GRM8: variants seen among roughly 807,000 people sequenced by gnomAD.
GRM8 encodes the protein metabotropic glutamate receptor 8.
In GRM8, 47 loss-of-function variants were observed where a neutral mutation model predicts 87.2. The observed-to-expected ratio is 0.54, with a 90% CI of 0.43 to 0.69. The LOEUF (loss-of-function observed/expected upper bound fraction) is 0.69. GRM8 is among the 30% of genes least tolerant of loss of function. The pLI is 0.00. For synonymous variants in GRM8, 396 were observed against 404.5 expected (o/e 0.98, Z 0.25); for missense variants, 1,019 against 1,139.2 (o/e 0.89, Z 1.52).
chr7:127,208,157 C>T (rs547120155), intron 2 of GRM8, among the ~76,000 whole-genome samples: 1 of 152,268 alleles, frequency 6.6e-6, no homozygotes, highest in South Asian at 2.1e-4. Context: ...TGAGGGCCTT[C>T]GTGTCCCTGC....
chr7:126,574,999 T>C (rs1794989103), intron 8 of GRM8, among the ~76,000 whole-genome samples: 2 of 152,164 alleles, frequency 1.3e-5, no homozygotes, highest in Admixed American at 6.5e-5. Context: ...TCGAATTCTC[T>C]GGTGATTCCT....
chr7:127,010,094 C>T (rs1371399645), intron 3 of GRM8, among the ~76,000 whole-genome samples: 1 of 152,142 alleles, frequency 6.6e-6, no homozygotes, highest in African/African-American at 2.4e-5. Context: ...CCGACTGCCT[C>T]AGCCTCCCAA....
intron 3 of GRM8, among the ~76,000 whole-genome samples, chr7:126,909,184 C>T (rs1405570984): frequency 6.6e-6 from 1 of 152,186 alleles, no homozygotes; most frequent in Non-Finnish European, 1.5e-5. Flanking sequence ...AGATACACCA[C>T]AGTTCAGTCA....
At chr7:127,070,289 C>G (rs955865851) in intron 3 of GRM8, among the ~76,000 whole-genome samples, 1 of 152,212 alleles carries the variant, frequency 6.6e-6, no homozygotes, top group South Asian at 2.1e-4. Context: ...TATATACAAG[C>G]CCCATTCTGA....
chr7:127,089,188 T>C lies in GRM8; in HGVS notation c.727+17308A>G, dbSNP rs147400285. Among the ~76,000 whole-genome samples, 463 of 152,078 alleles carry C rather than the reference T, an allele frequency of 3.0e-3. 4 individuals carry two copies. Among genetic ancestry groups the C allele is most frequent in the Non-Finnish European group, 4.4e-3 (297 of 67,980 alleles). On this transcript the variant is annotated intron_variant, in intron 3 of 10. Transcript: ENST00000339582. ...AGACAGAAAAGGAGAAAATAACAAA[T>C]ACACAGAGAGAAAGGTGATGTGACA...
At chr7:127,165,826 A>G (rs1199756753) in intron 2 of GRM8, among the ~76,000 whole-genome samples, 3 of 152,196 alleles carry the variant, frequency 2.0e-5, no homozygotes, top group South Asian at 4.1e-4. Flanking sequence ...GCTGCCATAT[A>G]TAGCCAAAGT....
chr7:126,514,302 A>G (rs1811858763), intron 9 of GRM8, among the ~76,000 whole-genome samples: 1 of 152,170 alleles, frequency 6.6e-6, no homozygotes, highest in Non-Finnish European at 1.5e-5. Context: ...GTGGTTTTAT[A>G]GGAGCCTAGT....
At chr7:126,842,214 T>C (rs80178757) in intron 6 of GRM8, among the ~76,000 whole-genome samples, 5,878 of 152,124 alleles carry the variant, frequency 0.039, 344 homozygotes, top group African/African-American at 0.12. Context: ...CAGCTGTAGA[T>C]CCAGGAGGAC....
At chr7:127,167,964 A>C (rs1249693026) in intron 2 of GRM8, among the ~76,000 whole-genome samples, 2 of 152,138 alleles carry the variant, frequency 1.3e-5, no homozygotes, top group African/African-American at 4.8e-5. Context: ...AGACTTCATG[A>C]CTAAAACACA....
intron 2 of GRM8, among the ~76,000 whole-genome samples, chr7:127,184,622 G>A (rs2116438019): frequency 6.6e-6 from 1 of 151,932 alleles, no homozygotes; most frequent in South Asian, 2.1e-4. Flanking sequence ...ACATCATACT[G>A]GAAGTCCTAA....
At chr7:126,966,205 G>A (rs931836694) in intron 3 of GRM8, among the ~76,000 whole-genome samples, 14 of 152,082 alleles carry the variant, frequency 9.2e-5, no homozygotes, top group African/African-American at 3.4e-4. Context: ...CATGATCTTG[G>A]TTCACTGCAA....
In GRM8 at chr7:126,875,925, C is replaced by A. The variant is rs185311523; in HGVS notation, c.1156+26617G>T. On this transcript the variant is annotated intron_variant, in intron 6 of 10. Coordinates refer to ENST00000339582, the MANE Select transcript of GRM8 (RefSeq NM_000845.3). ...ACACAGGCCATTATCTCATGGAAAA[C>A]CTGTTTTCCAGCTGTGTCGAATTCA... Among the ~76,000 whole-genome samples, 420 of 152,176 alleles carry A rather than the reference C, an allele frequency of 2.8e-3. 2 individuals are homozygous for A. Among genetic ancestry groups the A allele is most frequent in the African/African-American group, 9.1e-3 (376 of 41,524 alleles).
chr7:126,587,157 C>T (rs1019784702), intron 8 of GRM8, among the ~76,000 whole-genome samples: 4 of 152,240 alleles, frequency 2.6e-5, no homozygotes, highest in African/African-American at 7.2e-5. Flanking sequence ...GAAAGGCAAT[C>T]ATTAAAAAGT....
At chr7:127,170,959 A>G (rs1317322100) in intron 2 of GRM8, among the ~76,000 whole-genome samples, 1 of 152,138 alleles carries the variant, frequency 6.6e-6, no homozygotes, top group Non-Finnish European at 1.5e-5. Flanking sequence ...TCATGTAACC[A>G]AACACCATCT....
intron 7 of GRM8, among the ~76,000 whole-genome samples, chr7:126,673,604 G>C (rs1445556132): frequency 6.6e-6 from 1 of 152,160 alleles, no homozygotes; most frequent in Non-Finnish European, 1.5e-5. Context: ...TGAGCTGCTA[G>C]ATACAAAGTG....
Position 127,243,023 on chromosome 7 carries a change from C to T in GRM8, c.182G>A (p.Gly61Glu), listed in dbSNP as rs756932867. 12 of 1,613,852 alleles carry T rather than the reference C, an allele frequency of 7.4e-6. No individual in the cohort carries two copies. Among genetic ancestry groups the T allele is most frequent in the Admixed American group, 3.3e-5 (2 of 59,982 alleles). Residue 61 changes from glycine (G) to glutamate (E), a missense_variant, in exon 2 of 11, where the codon GGG (glycine) becomes GAG (glutamate). Physicochemically the swap from Gly to Glu is moderately conservative, Grantham distance 98. Transcript: ENST00000339582. Reference sequence around the variant, plus strand: ...CTTCTTCAGCTCCCCACAAGGCACCCCTCTCTCTCCCTTTGCGTGGACAGG... The same window carrying T: ...CTTCTTCAGCTCCCCACAAGGCACCTCTCTCTCTCCCTTTGCGTGGACAGG... ...LFPVHAKGER[G>E]VPCGELKKEK...
intron 6 of GRM8, among the ~76,000 whole-genome samples, chr7:126,815,821 G>A (rs922435167): frequency 1.3e-5 from 2 of 151,972 alleles, no homozygotes; most frequent in Non-Finnish European, 2.9e-5. Flanking sequence ...ATACTTCTGT[G>A]CAGCCACTCT....
chr7:126,567,897 T>C (rs1178962199), intron 8 of GRM8, among the ~76,000 whole-genome samples: 2 of 152,046 alleles, frequency 1.3e-5, no homozygotes, highest in Admixed American at 6.6e-5. Flanking sequence ...CAGTGGAGGA[T>C]GTAAGGGGTA....
chr7:127,077,060 T>C (rs1822354017), intron 3 of GRM8, among the ~76,000 whole-genome samples: 1 of 152,202 alleles, frequency 6.6e-6, no homozygotes, highest in Admixed American at 6.5e-5. Flanking sequence ...ATAGCCTTCG[T>C]TACTGTGTGT....
Sources: allele counts gnomAD v4.1 joint callset (sites outside exome capture counted in the v4.1 genomes callset), GRCh38; gene constraint gnomAD v4.1.1; transcripts MANE v1.5; gene names NCBI Gene and HGNC (gene_info 2026-07-23, HGNC 2026-07-21).